Variants in IQCH observed in about 807,000 individuals in gnomAD.
IQCH encodes the protein IQ motif containing H.
IQCH carries 98 observed loss-of-function variants against 117.0 expected under a neutral mutation model. The observed-to-expected ratio is 0.84, with a 90% CI of 0.71 to 0.99. The LOEUF (loss-of-function observed/expected upper bound fraction) is 0.99, where lower values mean the gene tolerates loss of function less well. Among genes scored for constraint, IQCH ranks in the 50% least tolerant of loss-of-function variants. IQCH has a pLI of 0.00. For missense variants in IQCH, 1,102 were observed against 1,243.8 expected (o/e 0.89, Z 1.72); for synonymous variants, 412 against 448.2 (o/e 0.92, Z 1.02).
intron 10 of IQCH, among the ~76,000 whole-genome samples, chr15:67,377,538 C>A (rs183380882): frequency 3.3e-5 from 5 of 152,184 alleles, no homozygotes; most frequent in Non-Finnish European, 7.4e-5. Flanking sequence ...CTCCCAGTTT[C>A]TTTGGCCAAG....
chr15:67,256,433 G>A (rs1965206688), intron 1 of IQCH, among the ~76,000 whole-genome samples: 2 of 152,048 alleles, frequency 1.3e-5, no homozygotes, highest in Admixed American at 6.5e-5. Flanking sequence ...TTAGTTTCCC[G>A]CTGCTCCAGA....
In IQCH at chr15:67,467,199, G is replaced by A. The variant is rs2082955133; in HGVS notation, c.2676+1902G>A. On this transcript the variant is annotated intron_variant, in intron 17 of 20. Coordinates refer to ENST00000335894, the MANE Select transcript of IQCH (RefSeq NM_001031715.3). The surrounding 1 kb of genome is among the most constrained non-coding windows in gnomAD (Gnocchi z 5.7). ...GATCGCGCCATTGTACTCCAGCCTA[G>A]TTGACAGAGTGAGACTCTGTCTCAA... 1 of 152,222 alleles carries A rather than the reference G, an allele frequency of 6.6e-6. No individual in the cohort carries two copies. Among genetic ancestry groups the A allele is most frequent in the African/African-American group, 2.4e-5 (1 of 41,446 alleles). The allele number at this position is 152,222 out of a possible 1,614,324, so 9.4% of individuals were successfully genotyped here. A position where few individuals can be genotyped will look rare whatever the true frequency, so the allele number is the denominator to read the frequency against.
intron 4 of IQCH, among the ~76,000 whole-genome samples, chr15:67,309,215 A>G (rs1362350862): frequency 6.6e-6 from 1 of 152,088 alleles, no homozygotes; most frequent in Non-Finnish European, 1.5e-5. Flanking sequence ...GAAAAATATT[A>G]GTTATTACTA....
At chr15:67,480,118 T>A (rs1297594337) in intron 18 of IQCH, among the ~76,000 whole-genome samples, 1 of 152,230 alleles carries the variant, frequency 6.6e-6, no homozygotes, top group Non-Finnish European at 1.5e-5. Flanking sequence ...ATAGGCAATG[T>A]GCCACCATCC....
chr15:67,280,856 T>C (rs1344037158), intron 4 of IQCH, among the ~76,000 whole-genome samples: 1 of 151,740 alleles, frequency 6.6e-6, no homozygotes, highest in Non-Finnish European at 1.5e-5. Flanking sequence ...ATTATTATTA[T>C]TATTATTAAG....
At chr15:67,352,590 T>C (rs1026437326) in intron 6 of IQCH, among the ~76,000 whole-genome samples, 2 of 151,776 alleles carry the variant, frequency 1.3e-5, no homozygotes, top group Non-Finnish European at 2.9e-5. Flanking sequence ...CAATATATTA[T>C]TTCATTGTTT....
intron 14 of IQCH, among the ~76,000 whole-genome samples, chr15:67,410,891 T>G (rs2081432614): frequency 6.6e-6 from 1 of 152,116 alleles, no homozygotes; most frequent in Non-Finnish European, 1.5e-5. Context: ...CAGCACAGAT[T>G]CCACTGCATC....
chr15:67,447,680 T>C lies in IQCH; in HGVS notation c.2506-17447T>C, dbSNP rs1382235929. Among the ~76,000 whole-genome samples, 1 of 152,118 alleles carries C rather than the reference T, an allele frequency of 6.6e-6. No homozygotes were observed. The highest frequency in any genetic ancestry group is 1.5e-5 in the Non-Finnish European group (1 of 68,016). ...TGGAGGACAGGAGAAGGTGGAAACA[T>C]CTGGGACAAAGCTTTTCTGAGCCAC... On this transcript the variant is annotated intron_variant, in intron 16 of 20. Transcript: ENST00000335894. The surrounding 1 kb of genome is among the most constrained non-coding windows in gnomAD (Gnocchi z 5.3).
chr15:67,311,613 A>G (rs1326477471), intron 4 of IQCH, among the ~76,000 whole-genome samples: 1 of 149,300 alleles, frequency 6.7e-6, no homozygotes, highest in Non-Finnish European at 1.5e-5. Context: ...AGCACATACT[A>G]TATTTAAGTA....
At chr15:67,435,301 A>G (rs562805656) in intron 16 of IQCH, among the ~76,000 whole-genome samples, 14 of 152,166 alleles carry the variant, frequency 9.2e-5, no homozygotes, top group East Asian at 3.9e-4. Flanking sequence ...AAAAAAGTCT[A>G]TATGTAGGCA....
chr15:67,486,428 T>C (rs902332012), intron 18 of IQCH, among the ~76,000 whole-genome samples: 2 of 152,096 alleles, frequency 1.3e-5, no homozygotes, highest in African/African-American at 4.8e-5. Context: ...AAGCATTCTA[T>C]TCCTAGCAGG....
intron 4 of IQCH, among the ~76,000 whole-genome samples, chr15:67,280,281 A>G (rs1427113404): frequency 3.3e-5 from 5 of 152,224 alleles, no homozygotes; most frequent in Non-Finnish European, 5.9e-5. Flanking sequence ...GTGGCAAAGA[A>G]TAGAGCTCAA....
intron 3 of IQCH, among the ~76,000 whole-genome samples, chr15:67,269,661 G>A (rs2140450564): frequency 6.7e-6 from 1 of 150,314 alleles, no homozygotes; most frequent in African/African-American, 2.4e-5. Context: ...CCTTGCCTCT[G>A]GTAACCACCA....
At chr15:67,354,457 T>G (rs1448793268) in intron 6 of IQCH, among the ~76,000 whole-genome samples, 1 of 152,178 alleles carries the variant, frequency 6.6e-6, no homozygotes, top group African/African-American at 2.4e-5. Flanking sequence ...TGAACCTGAT[T>G]GTTGTTATCA....
intron 16 of IQCH, among the ~76,000 whole-genome samples, chr15:67,462,305 T>C (rs1333989736): frequency 4.6e-5 from 7 of 151,710 alleles, no homozygotes; most frequent in Non-Finnish European, 4.4e-5. Context: ...GGCAGGCACC[T>C]ATAATCCCAG....
intron 16 of IQCH, among the ~76,000 whole-genome samples, chr15:67,464,118 C>T (rs1261601006): frequency 1.3e-5 from 2 of 152,196 alleles, no homozygotes; most frequent in Non-Finnish European, 2.9e-5. Flanking sequence ...TATAAGCCAC[C>T]GTGCCCAGCC....
chr15:67,331,478 AAC>A (rs959593766), intron 4 of IQCH, among the ~76,000 whole-genome samples: 34 of 152,338 alleles, frequency 2.2e-4, no homozygotes, highest in African/African-American at 8.2e-4. Flanking sequence ...GAACATAACA[AAC>A]ACTGCTGAAT....
Position 67,457,432 on chromosome 15 carries a change from G to C in IQCH, c.2506-7695G>C, listed in dbSNP as rs1159174674. 6.6e-6 allele frequency among the ~76,000 whole-genome samples: 1 copy of C among 152,196 alleles called. No homozygotes were observed. Among genetic ancestry groups the C allele is most frequent in the African/African-American group, 2.4e-5 (1 of 41,438 alleles). ...TATAATAGCTGGGATTCTGAGGCCTGTATTTAAATAGCATCTGCAAAGAGT... is the reference window on the plus strand; with the variant it reads ...TATAATAGCTGGGATTCTGAGGCCTCTATTTAAATAGCATCTGCAAAGAGT... On this transcript the variant is annotated intron_variant, in intron 16 of 20. Transcript: ENST00000335894. The surrounding 1 kb of genome is among the most constrained non-coding windows in gnomAD (Gnocchi z 5.7).
At chr15:67,402,237 AAACTT>A (rs1453235911) in intron 14 of IQCH, among the ~76,000 whole-genome samples, 1 of 152,136 alleles carries the variant, frequency 6.6e-6, no homozygotes, top group Admixed American at 6.6e-5. Context: ...TCATTTTTTA[AAACTT>A]AACAAGGAAA....
Sources: gnomAD v4.1 joint callset for allele counts (sites outside exome capture counted in the v4.1 genomes callset) on GRCh38, gnomAD v4.1.1 for gene constraint, Gnocchi (gnomAD v3.1) non-coding constraint, MANE v1.5 for transcripts, NCBI Gene and HGNC (gene_info 2026-07-23, HGNC 2026-07-21) for gene names.